The following DIP2C variants were observed in gnomAD, a reference collection of about 807,000 sequenced individuals.
The protein encoded by DIP2C is disco-interacting protein 2 homolog C.
Under a neutral mutation model 192.4 loss-of-function variants are expected in DIP2C, and 33 were observed. The ratio of observed to expected loss-of-function variants is 0.17; its 90% confidence interval spans 0.13 to 0.23. The LOEUF (loss-of-function observed/expected upper bound fraction) is 0.23, where lower values mean the gene tolerates loss of function less well. Among genes scored for constraint, DIP2C ranks in the 10% least tolerant of loss-of-function variants. DIP2C has a pLI of 1.00. For synonymous variants in DIP2C, 979 were observed against 864.1 expected (o/e 1.13, Z -2.33); for missense variants, 1,537 against 2,110.1 (o/e 0.73, Z 5.32).
intron 1 of DIP2C, among the ~76,000 whole-genome samples, chr10:619,702 G>T (rs917011115): frequency 2.6e-5 from 4 of 152,164 alleles, no homozygotes; most frequent in African/African-American, 9.7e-5. Context: ...CACTCCACAA[G>T]CAATGAGTGA....
chr10:344,681 G>A (rs957464624), intron 28 of DIP2C, 128 bp downstream of exon 28: 43 of 739,932 alleles, frequency 5.8e-5, no homozygotes, highest in Non-Finnish European at 7.0e-5. Flanking sequence ...AATGAAACAC[G>A]TATGTATACC....
intron 1 of DIP2C, among the ~76,000 whole-genome samples, chr10:675,650 TCAA>T (rs1402426215): frequency 6.6e-6 from 1 of 152,062 alleles, no homozygotes; most frequent in African/African-American, 2.4e-5. Context: ...CAACTATATG[TCAA>T]CAGAGTGGAA....
intron 1 of DIP2C, among the ~76,000 whole-genome samples, chr10:503,358 C>T (rs1043462134): frequency 6.6e-6 from 1 of 152,216 alleles, no homozygotes; most frequent in African/African-American, 2.4e-5. Flanking sequence ...AAAGATCGAA[C>T]AGACACTTCA....
chr10:283,505 A>G (rs2132149007), intron 34 of DIP2C, 59 bp from the exon 35 acceptor site: 2 of 1,581,518 alleles, frequency 1.3e-6, no homozygotes, highest in African/African-American at 2.7e-5. Flanking sequence ...GGGAAATGAG[A>G]CTACAACTAC....
At chr10:591,166 A>AGGGTG (rs1460635628) in intron 1 of DIP2C, among the ~76,000 whole-genome samples, 1 of 152,146 alleles carries the variant, frequency 6.6e-6, no homozygotes, top group Non-Finnish European at 1.5e-5. Context: ...TCTGTCACCC[A>AGGGTG]GGGTGGAGTG....
At chr10:615,410 G>A (rs1853391505) in intron 1 of DIP2C, among the ~76,000 whole-genome samples, 1 of 152,146 alleles carries the variant, frequency 6.6e-6, no homozygotes, top group Non-Finnish European at 1.5e-5. Flanking sequence ...AGGTGACTAT[G>A]AGGTCTGGCT....
intron 32 of DIP2C, among the ~76,000 whole-genome samples, chr10:303,693 T>C (rs1037444874): frequency 6.6e-6 from 1 of 152,028 alleles, no homozygotes; most frequent in African/African-American, 2.4e-5. Flanking sequence ...CCGGCTGATT[T>C]TGTATTTTTA....
chr10:650,683 A>G, intron 1 of DIP2C: 1 of 619,102 alleles, frequency 1.6e-6, no homozygotes, highest in South Asian at 2.0e-5. Flanking sequence ...GGGGCCTCCC[A>G]GCCTTAGAGC....
intron 1 of DIP2C, among the ~76,000 whole-genome samples, chr10:659,284 C>T (rs1286896282): frequency 1.3e-5 from 2 of 152,244 alleles, no homozygotes; most frequent in Non-Finnish European, 2.9e-5. Context: ...CACAAATACA[C>T]ATGCACACAT....
intron 28 of DIP2C, among the ~76,000 whole-genome samples, chr10:342,745 A>C (rs1017500874): frequency 6.6e-6 from 1 of 152,116 alleles, no homozygotes; most frequent in Non-Finnish European, 1.5e-5. Context: ...ATCTTCCACC[A>C]TCCTGCATGG....
At chr10:311,549 G>T (rs970027058) in intron 31 of DIP2C, 13 of 1,232,438 alleles carry the variant, frequency 1.1e-5, no homozygotes, top group Middle Eastern at 6.2e-4. Flanking sequence ...GCTCGGCCAG[G>T]GTCCACAGCC....
intron 2 of DIP2C, among the ~76,000 whole-genome samples, chr10:480,091 T>G (rs1397927197): frequency 2.3e-5 from 3 of 129,046 alleles, no homozygotes; most frequent in East Asian, 2.4e-4. Flanking sequence ...CAGCCTGAGC[T>G]CCGGTCCACG....
At chr10:392,576 C>A (rs557482641) in intron 10 of DIP2C, among the ~76,000 whole-genome samples, 1 of 152,186 alleles carries the variant, frequency 6.6e-6, no homozygotes, top group Non-Finnish European at 1.5e-5. Flanking sequence ...CCCCGCGGCC[C>A]CGTCAGACGC....
At chr10:586,814 G>C (rs886820463) in intron 1 of DIP2C, among the ~76,000 whole-genome samples, 12 of 152,034 alleles carry the variant, frequency 7.9e-5, no homozygotes, top group African/African-American at 2.9e-4. Context: ...CCTTGGTCTT[G>C]TTTCACAAGC....
chr10:538,451 T>A (rs1321725082), intron 1 of DIP2C, among the ~76,000 whole-genome samples: 1 of 152,212 alleles, frequency 6.6e-6, no homozygotes, highest in East Asian at 1.9e-4. Flanking sequence ...CATGAGCCAT[T>A]GTGCCCAGTC....
intron 18 of DIP2C, among the ~76,000 whole-genome samples, chr10:367,371 C>T (rs1284051583): frequency 6.0e-5 from 9 of 151,036 alleles, no homozygotes; most frequent in South Asian, 2.1e-4. Context: ...GAACCGAGAT[C>T]GCGCCACTGC....
chr10:338,227 G>C (rs1010812614), intron 29 of DIP2C, among the ~76,000 whole-genome samples: 1 of 152,212 alleles, frequency 6.6e-6, no homozygotes, highest in African/African-American at 2.4e-5. Flanking sequence ...AGTAAGCGAA[G>C]GTTAATTTAT....
intron 6 of DIP2C, among the ~76,000 whole-genome samples, chr10:416,925 A>T (rs1223743319): frequency 1.3e-5 from 2 of 152,336 alleles, no homozygotes; most frequent in South Asian, 2.1e-4. Flanking sequence ...GGACCATAAA[A>T]AACAGACTTC....
chr10:300,263 T>C (rs1223173575), intron 32 of DIP2C, among the ~76,000 whole-genome samples: 1 of 152,120 alleles, frequency 6.6e-6, no homozygotes, highest in Non-Finnish European at 1.5e-5. Context: ...CGGCAGACAA[T>C]GGATGAGCCA....
Sources: allele counts gnomAD v4.1 joint callset (sites outside exome capture counted in the v4.1 genomes callset), GRCh38; gene constraint gnomAD v4.1.1; transcripts MANE v1.5; gene names NCBI Gene and HGNC (gene_info 2026-07-23, HGNC 2026-07-21).